The following PARD3B variants were observed in gnomAD, a reference collection of about 807,000 sequenced individuals.
PARD3B encodes the protein par-3 family cell polarity regulator beta, also known as partitioning defective 3 homolog B.
In PARD3B, 103 loss-of-function variants were observed where a neutral mutation model predicts 130.2. The observed-to-expected ratio is 0.79, with a 90% confidence interval of 0.67 to 0.93. The LOEUF (loss-of-function observed/expected upper bound fraction) is 0.93, where lower values mean the gene tolerates loss of function less well. PARD3B is among the 40% of genes least tolerant of loss of function. The pLI is 0.00. For synonymous variants in PARD3B, 583 were observed against 553.2 expected (o/e 1.05, Z -0.76); for missense variants, 1,609 against 1,499.2 (o/e 1.07, Z -1.21).
chr2:204,882,079 A>G (rs1378913744), intron 2 of PARD3B, among the ~76,000 whole-genome samples: 1 of 152,204 alleles, frequency 6.6e-6, no homozygotes, highest in African/African-American at 2.4e-5. Flanking sequence ...GGATAGAACA[A>G]GATCTCACCT....
chr2:204,610,306 G>A lies in PARD3B; in HGVS notation c.120+64187G>A, dbSNP rs1265186991. On this transcript the variant is annotated intron_variant, in intron 1 of 22. Coordinates refer to ENST00000406610, the MANE Select transcript of PARD3B (RefSeq NM_001302769.2). The surrounding 1 kb of genome is among the most constrained non-coding windows in gnomAD (Gnocchi z 4.1). ...AATCTGTTCTTCTTAATGTAATATG[G>A]CAAATATTTACAATGATTTGTTAAG... 1.3e-5 allele frequency among the ~76,000 whole-genome samples: 2 copies of A among 152,106 alleles called. No individual in the cohort carries two copies. Among genetic ancestry groups the A allele is most frequent in the Non-Finnish European group, 2.9e-5 (2 of 68,020 alleles).
chr2:204,927,789 G>A (rs1323771923), intron 2 of PARD3B, among the ~76,000 whole-genome samples: 5 of 152,086 alleles, frequency 3.3e-5, no homozygotes, highest in Non-Finnish European at 7.4e-5. Context: ...TGTGGTTGAA[G>A]TATTAGCAGA....
chr2:205,165,618 T>C (rs963414631), intron 11 of PARD3B, among the ~76,000 whole-genome samples: 4 of 151,570 alleles, frequency 2.6e-5, no homozygotes, highest in African/African-American at 4.9e-5. Flanking sequence ...CTTGGGAGGC[T>C]GAGGCAGGAG....
At chr2:204,995,157 T>G (rs1180984086) in intron 3 of PARD3B, among the ~76,000 whole-genome samples, 3 of 152,342 alleles carry the variant, frequency 2.0e-5, no homozygotes, top group African/African-American at 2.4e-5. Flanking sequence ...CATTAGTTGA[T>G]GCAGTTTCTT....
At chr2:204,602,745 C>G (rs910406627) in intron 1 of PARD3B, among the ~76,000 whole-genome samples, 2 of 151,980 alleles carry the variant, frequency 1.3e-5, no homozygotes, top group African/African-American at 2.4e-5. Context: ...ATCCTTATAC[C>G]TCTTATCATG....
chr2:204,697,998 T>C (rs2037697889), intron 2 of PARD3B, among the ~76,000 whole-genome samples: 2 of 152,146 alleles, frequency 1.3e-5, no homozygotes, highest in Admixed American at 6.6e-5. Context: ...TTTAGATCCA[T>C]GGCTGCCATC....
chr2:205,264,202 A>G (rs1443315816), intron 16 of PARD3B, among the ~76,000 whole-genome samples: 1 of 151,052 alleles, frequency 6.6e-6, no homozygotes, highest in Non-Finnish European at 1.5e-5. Context: ...AGCGATACAG[A>G]TTTAGAAGTC....
intron 19 of PARD3B, among the ~76,000 whole-genome samples, chr2:205,414,668 A>G (rs914875104): frequency 6.6e-6 from 1 of 152,078 alleles, no homozygotes; most frequent in African/African-American, 2.4e-5. Flanking sequence ...ATCAACAGCT[A>G]ATTAAAAATT....
chr2:205,082,831 T>C (rs1325534904), intron 4 of PARD3B, among the ~76,000 whole-genome samples: 1 of 152,192 alleles, frequency 6.6e-6, no homozygotes, highest in African/African-American at 2.4e-5. Flanking sequence ...GGGCAACATA[T>C]TACTAACTAA....
intron 2 of PARD3B, among the ~76,000 whole-genome samples, chr2:204,850,717 A>G (rs1171347426): frequency 6.6e-6 from 1 of 152,168 alleles, no homozygotes; most frequent in African/African-American, 2.4e-5. Flanking sequence ...TTAGCTGAGC[A>G]GGCACTGACC....
chr2:205,597,002 A>G (rs909606394), intron 22 of PARD3B, among the ~76,000 whole-genome samples: 1 of 151,272 alleles, frequency 6.6e-6, no homozygotes, highest in African/African-American at 2.4e-5. Flanking sequence ...TCTTTTGACT[A>G]CCTTATCCCA....
chr2:204,903,829 C>G (rs557324595), intron 2 of PARD3B, among the ~76,000 whole-genome samples: 1 of 152,268 alleles, frequency 6.6e-6, no homozygotes, highest in East Asian at 1.9e-4. Context: ...AGGAAATTTA[C>G]AGAGATGTAT....
chr2:204,972,404 C>G (rs1048404742), intron 3 of PARD3B, among the ~76,000 whole-genome samples: 1 of 152,020 alleles, frequency 6.6e-6, no homozygotes, highest in Non-Finnish European at 1.5e-5. Flanking sequence ...TACCACCATC[C>G]TAACAGAACT....
chr2:205,061,020 A>G (rs905870224), intron 4 of PARD3B, among the ~76,000 whole-genome samples: 16 of 152,154 alleles, frequency 1.1e-4, no homozygotes, highest in African/African-American at 3.1e-4. Flanking sequence ...TGTGCATCGG[A>G]TATCGTTATT....
rs544603283 is a variant in PARD3B at position 205,108,786 on chromosome 2, A to G, written c.593+4272A>G. Among the ~76,000 whole-genome samples the G allele has an allele frequency of 2.0e-4, 30 of 152,256 alleles. No homozygotes were observed. The South Asian group carries it at 6.2e-3, about 32-fold the overall frequency. ...GTTAAGAACTCTGCTCTGGGGTGCA[A>G]TAAATCACTATTTGAGTCTTGACTC... On this transcript the variant is annotated intron_variant, in intron 5 of 22. Transcript: ENST00000406610.
chr2:205,135,602 A>G (rs2032414059), intron 10 of PARD3B, among the ~76,000 whole-genome samples: 1 of 151,966 alleles, frequency 6.6e-6, no homozygotes, highest in Admixed American at 6.6e-5. Flanking sequence ...AAGGGCTGGT[A>G]AAACAGAGAT....
chr2:205,357,037 T>C (rs1385384033), intron 18 of PARD3B, among the ~76,000 whole-genome samples: 1 of 152,232 alleles, frequency 6.6e-6, no homozygotes, highest in Non-Finnish European at 1.5e-5. Flanking sequence ...ATGACTGCTT[T>C]CCACCTCTGC....
chr2:204,679,380 C>T (rs2036713742), intron 1 of PARD3B, among the ~76,000 whole-genome samples: 1 of 152,108 alleles, frequency 6.6e-6, no homozygotes, highest in Non-Finnish European at 1.5e-5. Flanking sequence ...AGCTTTATGG[C>T]ATGTTTATGT....
intron 20 of PARD3B, among the ~76,000 whole-genome samples, chr2:205,462,635 G>A (rs991465593): frequency 1.2e-4 from 19 of 152,136 alleles, no homozygotes; most frequent in African/African-American, 4.6e-4. Context: ...CCAGGCACAT[G>A]GAGTTCTAGT....
Sources: gnomAD v4.1 joint callset for allele counts (sites outside exome capture counted in the v4.1 genomes callset) on GRCh38, gnomAD v4.1.1 for gene constraint, Gnocchi (gnomAD v3.1) non-coding constraint, MANE v1.5 for transcripts, NCBI Gene and HGNC (gene_info 2026-07-23, HGNC 2026-07-21) for gene names.